Variants in HELB observed in about 807,000 individuals in gnomAD.
The protein encoded by HELB is DNA helicase B.
A neutral mutation model predicts 101.7 loss-of-function variants in HELB; 96 were observed. The ratio of observed to expected loss-of-function variants is 0.94; its 90% CI spans 0.80 to 1.12. HELB has a LOEUF of 1.12. Ranked by LOEUF, HELB falls within the 50% of genes most tolerant of loss-of-function variation. HELB has a pLI of 0.00. For synonymous variants in HELB, 437 were observed against 459.7 expected (o/e 0.95, Z 0.63); for missense variants, 1,210 against 1,291.9 (o/e 0.94, Z 0.97).
At chr12:66,330,352 A>G (rs1452893343) in intron 11 of HELB, among the ~76,000 whole-genome samples, 1 of 152,178 alleles carries the variant, frequency 6.6e-6, no homozygotes, top group Non-Finnish European at 1.5e-5. Context: ...GGAAAAATAC[A>G]GACAAGTAGG....
At chr12:66,318,888 T>G in intron 7 of HELB, 96 bp downstream of exon 7, 1 of 894,150 alleles carries the variant, frequency 1.1e-6, no homozygotes, top group Non-Finnish European at 1.7e-6. Context: ...TCTTTAATGG[T>G]AAAGAGAAAT....
At chr12:66,303,253 C>G (rs779637642) in intron 1 of HELB, among the ~76,000 whole-genome samples, 1 of 152,024 alleles carries the variant, frequency 6.6e-6, no homozygotes, top group Non-Finnish European at 1.5e-5. Flanking sequence ...CACTTATCCT[C>G]AAGTTCTATA....
chr12:66,305,707 T>G (rs1417900521), intron 2 of HELB, among the ~76,000 whole-genome samples: 4 of 151,368 alleles, frequency 2.6e-5, no homozygotes, highest in Admixed American at 6.6e-5. Flanking sequence ...ATTGCACCAC[T>G]GTACTCCAGC....
intron 11 of HELB, among the ~76,000 whole-genome samples, chr12:66,329,901 A>T (rs1253505332): frequency 6.6e-6 from 1 of 152,194 alleles, no homozygotes; most frequent in East Asian, 1.9e-4. Context: ...AATGTATGTA[A>T]TCAAATACCA....
chr12:66,334,027 G>A (rs551603380), intron 12 of HELB, among the ~76,000 whole-genome samples: 1 of 151,720 alleles, frequency 6.6e-6, no homozygotes, highest in South Asian at 2.1e-4. Flanking sequence ...GGGCATGGTG[G>A]CATGCACCTA....
In HELB at chr12:66,325,131, G is replaced by A; in HGVS notation, c.2670+5G>A. The A allele has an allele frequency of 6.4e-7, 1 of 1,574,164 alleles. No homozygotes were observed. Among genetic ancestry groups the A allele is most frequent in the Non-Finnish European group, 8.7e-7 (1 of 1,150,020 alleles). On this transcript the variant is annotated splice_donor_5th_base_variant and intron_variant, in intron 11 of 12. Transcript: ENST00000247815. The stretch of plus-strand genomic sequence containing the variant: ...AGAACTATTCACACTTTTCAGGTAA[G>A]AGGAGACTTTTATCAAACCTTTTAA...
chr12:66,332,543 C>T (rs1368147328), intron 12 of HELB, among the ~76,000 whole-genome samples: 2 of 152,236 alleles, frequency 1.3e-5, no homozygotes, highest in Non-Finnish European at 2.9e-5. Flanking sequence ...ACACTCCCCA[C>T]CTGTTAGTCA....
chr12:66,325,123 T>C lies in HELB; in HGVS notation c.2667T>C (p.Phe889=). 2 of 1,596,852 alleles carry C rather than the reference T, an allele frequency of 1.3e-6. No homozygotes were observed. Among genetic ancestry groups the C allele is most frequent in the South Asian group, 1.1e-5 (1 of 89,922 alleles). Residue 889 remains phenylalanine (F), a synonymous_variant, in exon 11 of 13, where the codon TTT becomes TTC. Coordinates refer to ENST00000247815, the MANE Select transcript of HELB (RefSeq NM_001370285.1). ...CATGGGCAAGAACTATTCACACTTT[T>C]CAGGTAAGAGGAGACTTTTATCAAA... ...KHAWARTIHT[F]QGSEEQTVVY... is the part of the protein sequence containing the mutation.
chr12:66,315,459 AT>A, intron 6 of HELB, 76 bp downstream of exon 6: 1 of 1,076,192 alleles, frequency 9.3e-7, no homozygotes. Flanking sequence ...AATTAGAATG[AT>A]TTAGTACAAT....
rs1277025382 is a variant in HELB at position 66,310,622 on chromosome 12, C to T, written c.1680+14C>T. 8 of 1,595,028 alleles carry T rather than the reference C, an allele frequency of 5.0e-6. No homozygotes were observed. The highest frequency in any genetic ancestry group is 6.0e-6 in the Non-Finnish European group (7 of 1,172,296). ...ACACTGTGTCAGGTAAAACCTTTGA[C>T]ATTTCATCTGTAGATAAAACATTTG... On this transcript the variant is annotated intron_variant, in intron 4 of 12. Transcript: ENST00000247815.
Position 66,324,068 on chromosome 12 carries a change from A to C in HELB, c.2383A>C (p.Asn795His). ...ATACCTCTCAGACTTACTACCTGAA[A>C]ATATCTCTGGAAGTCAGCAAAATAA... ...NAYLSDLLPE[N>H]ISGSQQNNDL... The change falls in exon 10 of 13, where the codon AAT becomes CAT. Residue 795 changes from asparagine to histidine, a missense_variant. Physicochemically the swap from Asn to His is moderately conservative, Grantham distance 68 (BLOSUM62 1). Transcript: ENST00000247815. 1 of 1,613,838 alleles carries C rather than the reference A, an allele frequency of 6.2e-7. No homozygotes were observed. Among genetic ancestry groups the C allele is most frequent in the East Asian group, 2.2e-5 (1 of 44,820 alleles).
intron 10 of HELB, 29 bp from the exon 11 acceptor site, chr12:66,324,954 T>C: frequency 2.5e-6 from 4 of 1,611,170 alleles, no homozygotes; most frequent in Non-Finnish European, 3.4e-6. Context: ...TTTGAAGGTA[T>C]GCAAAATAGT....
At chr12:66,326,166 G>A (rs2053734768) in intron 11 of HELB, among the ~76,000 whole-genome samples, 1 of 151,890 alleles carries the variant, frequency 6.6e-6, no homozygotes, top group South Asian at 2.1e-4. Context: ...TCTGTTATTA[G>A]TGAGTCTCTT....
chr12:66,327,066 A>AAAAAAAAAAT (rs2053749764), intron 11 of HELB, among the ~76,000 whole-genome samples: 3 of 46,814 alleles, frequency 6.4e-5, no homozygotes, highest in South Asian at 9.0e-4. Flanking sequence ...AAAAAAAAAA[A>AAAAAAAAAAT]ATATATATAT....
intron 6 of HELB, among the ~76,000 whole-genome samples, chr12:66,317,301 A>AG (rs1192060455): frequency 6.6e-6 from 1 of 152,228 alleles, no homozygotes; most frequent in Non-Finnish European, 1.5e-5. Context: ...GGGCCAGACA[A>AG]GCTTGAACTA....
intron 12 of HELB, among the ~76,000 whole-genome samples, chr12:66,333,131 T>A (rs1302748488): frequency 6.6e-6 from 1 of 152,156 alleles, no homozygotes; most frequent in Admixed American, 6.5e-5. Flanking sequence ...GCCGGCTTTG[T>A]GGACATTATA....
In HELB at chr12:66,314,169, T is replaced by C; in HGVS notation, c.1858+6T>C. ...TTCTAAGCTTATTATCCTTGGTAAG[T>C]TAAAATATTGTTGGAATTCTGATGT... On this transcript the variant is annotated splice_donor_region_variant and intron_variant, in intron 5 of 12. Transcript: ENST00000247815. The C allele has an allele frequency of 1.2e-6, 2 of 1,608,286 alleles. No individual in the cohort carries two copies. Among genetic ancestry groups the C allele is most frequent in the Non-Finnish European group, 1.7e-6 (2 of 1,175,814 alleles).
At chr12:66,336,661 G>A (rs554828428) in intron 12 of HELB, among the ~76,000 whole-genome samples, 5 of 152,210 alleles carry the variant, frequency 3.3e-5, no homozygotes, top group African/African-American at 7.2e-5. Context: ...TCTAGGAGTC[G>A]GTCTGACACA....
rs1329038932 is a variant in HELB, at chr12:66,310,136, A to G, written c.1208A>G (p.Asn403Ser). Residue 403 changes from asparagine (N) to serine (S), a missense_variant, in exon 4 of 13, where the codon AAT becomes AGT. Transcript: ENST00000247815. Reference protein sequence around the residue: ...KPENSSDDALNESKPDEVRLE... With the variant: ...KPENSSDDALSESKPDEVRLE... ...GAGAATTCAAGCGATGATGCATTGA[A>G]TGAGAGCAAACCTGATGAAGTAAGA... 1.2e-6 allele frequency: 2 copies of G among 1,614,144 alleles called. No individual in the cohort carries two copies. Among genetic ancestry groups the G allele is most frequent in the Admixed American group, 1.7e-5 (1 of 60,012 alleles).
Sources: gnomAD v4.1 joint callset for allele counts (sites outside exome capture counted in the v4.1 genomes callset) on GRCh38, gnomAD v4.1.1 for gene constraint, MANE v1.5 for transcripts, NCBI Gene and HGNC (gene_info 2026-07-23, HGNC 2026-07-21) for gene names.